The following EVA1C variants were observed in gnomAD, a reference collection of about 807,000 sequenced individuals.
The protein encoded by EVA1C is protein eva-1 homolog C.
EVA1C carries 25 observed loss-of-function variants against 45.4 expected under a neutral mutation model. The ratio of observed to expected loss-of-function variants is 0.55; its 90% confidence interval spans 0.40 to 0.77. EVA1C has a LOEUF of 0.77. Among genes scored for constraint, EVA1C ranks in the 30% least tolerant of loss-of-function variants. EVA1C has a pLI of 0.00. For synonymous variants in EVA1C, 190 were observed against 221.2 expected (o/e 0.86, Z 1.25); for missense variants, 479 against 554.8 (o/e 0.86, Z 1.37).
intron 1 of EVA1C, among the ~76,000 whole-genome samples, chr21:32,424,629 G>C (rs1267936526): frequency 6.6e-6 from 1 of 152,098 alleles, no homozygotes; most frequent in Non-Finnish European, 1.5e-5. Context: ...TTGTGGACAG[G>C]CCACCCTGGA....
chr21:32,435,054 G>A (rs1358408519), intron 1 of EVA1C, among the ~76,000 whole-genome samples: 3 of 152,416 alleles, frequency 2.0e-5, no homozygotes, highest in African/African-American at 7.2e-5. Flanking sequence ...TCAGTAATTT[G>A]CTCATGGTCA....
At chr21:32,492,277 T>C (rs2037185449) in intron 4 of EVA1C, among the ~76,000 whole-genome samples, 1 of 151,998 alleles carries the variant, frequency 6.6e-6, no homozygotes, top group Non-Finnish European at 1.5e-5. Flanking sequence ...CCCTCATCTC[T>C]TGGATGGGAT....
At chr21:32,416,208 G>A (rs1487650429) in intron 1 of EVA1C, among the ~76,000 whole-genome samples, 2 of 148,290 alleles carry the variant, frequency 1.3e-5, no homozygotes, top group African/African-American at 2.5e-5. Context: ...TTACTGTTTT[G>A]TGTGTGTGTG....
At chr21:32,456,245 A>C (rs2035778955) in intron 2 of EVA1C, among the ~76,000 whole-genome samples, 1 of 152,110 alleles carries the variant, frequency 6.6e-6, no homozygotes, top group African/African-American at 2.4e-5. Context: ...GCTTCCTCAG[A>C]GGGAGGTTGC....
intron 4 of EVA1C, among the ~76,000 whole-genome samples, chr21:32,489,591 C>T (rs757809862): frequency 1.3e-5 from 2 of 152,126 alleles, no homozygotes; most frequent in Non-Finnish European, 2.9e-5. Context: ...TGGTCTTTTG[C>T]AGTTCCATAT....
At chr21:32,497,352 C>T in intron 5 of EVA1C, 1 of 456,064 alleles carries the variant, frequency 2.2e-6, no homozygotes, top group Non-Finnish European at 4.0e-6. Flanking sequence ...AGCCAAGAAA[C>T]CATGGGTTTC....
chr21:32,427,715 G>C (rs1336722492), intron 1 of EVA1C, among the ~76,000 whole-genome samples: 3 of 144,308 alleles, frequency 2.1e-5, no homozygotes, highest in Non-Finnish European at 4.5e-5. Flanking sequence ...CCATCTCAGG[G>C]GAAAAAAAAA....
chr21:32,437,766 C>T (rs113020567), intron 1 of EVA1C, among the ~76,000 whole-genome samples: 2 of 152,218 alleles, frequency 1.3e-5, no homozygotes, highest in African/African-American at 4.8e-5. Context: ...ACACACCCTG[C>T]GTTTCCTCTC....
chr21:32,462,266 C>T (rs1048577369), intron 3 of EVA1C, among the ~76,000 whole-genome samples: 2 of 150,268 alleles, frequency 1.3e-5, no homozygotes, highest in East Asian at 2.0e-4. Flanking sequence ...TCATGGCAGG[C>T]ACCTGCAGTC....
At chr21:32,496,676 C>T in intron 5 of EVA1C, 1 of 553,750 alleles carries the variant, frequency 1.8e-6, no homozygotes. Flanking sequence ...ACTGAGGTTC[C>T]AGTAACTTCA....
rs114597884 is a variant in EVA1C at position 32,490,599 on chromosome 21, T to G, written c.635-4428T>G. ...CTATGTATATACCACATTTTATTTA[T>G]CCATTCATCCATCAAAGGACACTTG... is the stretch of plus-strand genomic sequence containing the variant. On this transcript the variant is annotated intron_variant, in intron 4 of 7. Coordinates refer to ENST00000300255, the MANE Select transcript of EVA1C (RefSeq NM_058187.5). Among the ~76,000 whole-genome samples the G allele has an allele frequency of 6.0e-3, 911 of 152,318 alleles. 10 individuals carry two copies. Among genetic ancestry groups the G allele is most frequent in the African/African-American group, 0.021 (872 of 41,574 alleles).
At chr21:32,509,105 A>C (rs2037864963) in intron 7 of EVA1C, among the ~76,000 whole-genome samples, 1 of 152,236 alleles carries the variant, frequency 6.6e-6, no homozygotes, top group Admixed American at 6.5e-5. Context: ...GACCATGGAG[A>C]GAGCCCTGGC....
At chr21:32,466,501 A>C (rs2036180717) in intron 3 of EVA1C, among the ~76,000 whole-genome samples, 1 of 147,934 alleles carries the variant, frequency 6.8e-6, no homozygotes, top group South Asian at 2.1e-4. Context: ...TAAAAAAAAA[A>C]ATAAACTGTG....
Position 32,457,591 on chromosome 21 carries a change from T to C in EVA1C, c.358-6T>C. The C allele has an allele frequency of 6.2e-7, 1 of 1,614,174 alleles. No individual in the cohort carries two copies. The highest frequency in any genetic ancestry group is 2.2e-5 in the East Asian group (1 of 44,884). On this transcript the variant is annotated splice_region_variant and splice_polypyrimidine_tract_variant and intron_variant, in intron 2 of 7. Transcript: ENST00000300255. ...AGCCTGTCCCTTTTCTACCCTCTCC[T>C]TCTAGAAGGTGCTGGACGAATGCCA...
chr21:32,501,605 T>C (rs959156262), intron 6 of EVA1C, 110 bp downstream of exon 6: 1 of 1,419,638 alleles, frequency 7.0e-7, no homozygotes, highest in African/African-American at 1.4e-5. Flanking sequence ...TGTCAGGAGG[T>C]GTGTTTGAGG....
intron 7 of EVA1C, among the ~76,000 whole-genome samples, chr21:32,511,044 C>CCTCT (rs887282061): frequency 9.5e-6 from 1 of 104,784 alleles, no homozygotes; most frequent in African/African-American, 6.3e-5. Flanking sequence ...TCTCTCTCTC[C>CCTCT]CTCTCTCTCT....
chr21:32,503,869 G>A, intron 6 of EVA1C, 57 bp from the exon 7 acceptor site: 8 of 1,265,226 alleles, frequency 6.3e-6, no homozygotes, highest in Non-Finnish European at 9.0e-6. Context: ...GGGTGTCTTA[G>A]AATAGGCGTA....
intron 5 of EVA1C, among the ~76,000 whole-genome samples, chr21:32,498,478 T>C (rs1189517670): frequency 2.0e-5 from 3 of 148,966 alleles, no homozygotes; most frequent in East Asian, 2.0e-4. Flanking sequence ...CCTGTTTTCA[T>C]GGGGTGAGCA....
intron 4 of EVA1C, among the ~76,000 whole-genome samples, chr21:32,480,472 T>A (rs1159298138): frequency 6.6e-6 from 1 of 152,006 alleles, no homozygotes; most frequent in African/African-American, 2.4e-5. Context: ...CAAAACCCCA[T>A]CTCTACAAAC....
Sources: allele counts gnomAD v4.1 joint callset (sites outside exome capture counted in the v4.1 genomes callset), GRCh38; gene constraint gnomAD v4.1.1; transcripts MANE v1.5; gene names NCBI Gene and HGNC (gene_info 2026-07-23, HGNC 2026-07-21).